The following LARP4B variants were observed in gnomAD, a reference collection of about 807,000 sequenced individuals.
The protein encoded by LARP4B is La ribonucleoprotein 4B.
Under a neutral mutation model 89.8 loss-of-function variants are expected in LARP4B, and 12 were observed. The ratio of observed to expected loss-of-function variants is 0.13; its 90% confidence interval spans 0.09 to 0.22. LARP4B has a LOEUF of 0.22. Among genes scored for constraint, LARP4B ranks in the 10% least tolerant of loss-of-function variants. The pLI, the probability that LARP4B is intolerant of heterozygous loss-of-function variation, is 1.00. For synonymous variants in LARP4B, 367 were observed against 363.3 expected (o/e 1.01, Z -0.12); for missense variants, 757 against 947.7 (o/e 0.80, Z 2.64).
At chr10:957,287 C>T in the LARP4B span, among the ~76,000 whole-genome samples, 3 of 152,028 alleles carry the variant, frequency 2.0e-5, no homozygotes, top group African/African-American at 7.2e-5. Context: ...CTCAGCCTCC[C>T]GAGTAGCTGG....
chr10:924,081 ATTTT>A (rs907517772), intron 1 of LARP4B, among the ~76,000 whole-genome samples: 1 of 150,482 alleles, frequency 6.6e-6, no homozygotes, highest in Non-Finnish European at 1.5e-5. Context: ...ACAAAAAAAA[ATTTT>A]TTTTTTAATT....
intron 5 of LARP4B, among the ~76,000 whole-genome samples, chr10:849,671 G>C (rs1434186229): frequency 1.3e-5 from 2 of 152,180 alleles, no homozygotes; most frequent in Non-Finnish European, 2.9e-5. Context: ...AATGGGGAGG[G>C]AAAGGGTAAC....
intron 1 of LARP4B, among the ~76,000 whole-genome samples, chr10:905,889 C>T (rs1190979658): frequency 6.6e-6 from 1 of 152,202 alleles, no homozygotes; most frequent in Non-Finnish European, 1.5e-5. Flanking sequence ...AACAGACCAG[C>T]CTTTCCCTTG....
At chr10:976,098 A>G in the LARP4B span, among the ~76,000 whole-genome samples, 2 of 139,022 alleles carry the variant, frequency 1.4e-5, no homozygotes, top group African/African-American at 5.2e-5. Context: ...GGCCTAGTAG[A>G]ATGTAAGCCT....
chr10:869,593 A>C (rs183569447), intron 3 of LARP4B, among the ~76,000 whole-genome samples: 7 of 152,322 alleles, frequency 4.6e-5, no homozygotes, highest in African/African-American at 1.4e-4. Flanking sequence ...TTAAGTTAAA[A>C]ACAATTAAAA....
At chr10:967,673 A>G in the LARP4B span, among the ~76,000 whole-genome samples, 1 of 152,162 alleles carries the variant, frequency 6.6e-6, no homozygotes, top group Non-Finnish European at 1.5e-5. Flanking sequence ...GGCCAGGCGG[A>G]GGCAACCCCG....
the LARP4B span, among the ~76,000 whole-genome samples, chr10:944,575 G>T: frequency 1.3e-5 from 2 of 152,238 alleles, no homozygotes; most frequent in African/African-American, 4.8e-5. Context: ...CTCAGCCAGC[G>T]CTGGGGAAAC....
intron 1 of LARP4B, among the ~76,000 whole-genome samples, chr10:895,390 G>GAA (rs968802423): frequency 1.4e-5 from 2 of 145,102 alleles, no homozygotes; most frequent in Non-Finnish European, 3.0e-5. Context: ...CAGCAGCTTA[G>GAA]AAAAAAAAAA....
At chr10:954,359 G>A in the LARP4B span, among the ~76,000 whole-genome samples, 3 of 152,266 alleles carry the variant, frequency 2.0e-5, no homozygotes, top group East Asian at 1.9e-4. The surrounding 1 kb of genome is among the most constrained non-coding windows in gnomAD (Gnocchi z 5.0). Context: ...ACATGTGGAC[G>A]CGGACGAAAA....
chr10:814,563 G>A lies in LARP4B; in HGVS notation c.1929+179C>T, dbSNP rs1831923159. 1.4e-6 allele frequency: 2 copies of A among 1,407,560 alleles called. No individual in the cohort carries two copies. The highest frequency in any genetic ancestry group is 2.0e-5 in the Admixed American group (1 of 50,078). The allele number at this position is 1,407,560 out of a possible 1,614,324, so 87.2% of individuals were successfully genotyped here. A position where few individuals can be genotyped will look rare whatever the true frequency, so the allele number is the denominator to read the frequency against. The stretch of plus-strand genomic sequence containing the variant: ...CTGAGAAAGAACTAGAGTAGTTAGT[G>A]GAAAATTATTAGCAAATATTAAAGG... On this transcript the variant is annotated intron_variant, in intron 17 of 17. Coordinates refer to ENST00000316157, the MANE Select transcript of LARP4B (RefSeq NM_015155.3). The surrounding 1 kb of genome is among the most constrained non-coding windows in gnomAD (Gnocchi z 4.4).
At chr10:833,170 C>T (rs907247793) in intron 8 of LARP4B, among the ~76,000 whole-genome samples, 5 of 142,616 alleles carry the variant, frequency 3.5e-5, no homozygotes, top group Non-Finnish European at 7.5e-5. Flanking sequence ...TTTTGGCTTC[C>T]CTGGGACACA....
At chr10:827,591 C>T (rs1832698652) in intron 11 of LARP4B, among the ~76,000 whole-genome samples, 1 of 152,200 alleles carries the variant, frequency 6.6e-6, no homozygotes, top group Non-Finnish European at 1.5e-5. Flanking sequence ...GTATCACAGA[C>T]TCAGAGCAGG....
chr10:863,611 G>C (rs1343934650), intron 5 of LARP4B, 132 bp downstream of exon 5: 15 of 982,716 alleles, frequency 1.5e-5, no homozygotes, highest in Middle Eastern at 6.8e-4. Context: ...TCCACATAAG[G>C]GTGAGTTTAA....
intron 1 of LARP4B, among the ~76,000 whole-genome samples, chr10:920,046 A>T (rs1836937643): frequency 6.6e-6 from 1 of 152,250 alleles, no homozygotes; most frequent in Non-Finnish European, 1.5e-5. Context: ...TAACTGCTTT[A>T]AAAATCTACC....
chr10:854,390 G>A (rs1834199478), intron 5 of LARP4B, among the ~76,000 whole-genome samples: 1 of 152,100 alleles, frequency 6.6e-6, no homozygotes. Context: ...TACAGCTAGA[G>A]CCTTATGAAA....
the LARP4B span, chr10:988,112 C>A: frequency 4.7e-6 from 1 of 214,456 alleles, no homozygotes. Flanking sequence ...ATCCCAAGAC[C>A]CCGGACCCTC....
At chr10:879,858 C>A (rs1835601592) in intron 3 of LARP4B, among the ~76,000 whole-genome samples, 1 of 152,128 alleles carries the variant, frequency 6.6e-6, no homozygotes, top group African/African-American at 2.4e-5. Context: ...AATGCAACCT[C>A]CGCCTCCCGG....
chr10:976,087 C>T, the LARP4B span, among the ~76,000 whole-genome samples: 7 of 134,622 alleles, frequency 5.2e-5, no homozygotes, highest in South Asian at 2.6e-4. Flanking sequence ...CGTGTGGACC[C>T]GGCCTAGTAG....
the LARP4B span, among the ~76,000 whole-genome samples, chr10:938,027 G>A: frequency 2.0e-5 from 3 of 151,478 alleles, no homozygotes; most frequent in Admixed American, 6.6e-5. Context: ...TGGGACTACA[G>A]GCACGCACCA....
Sources: gnomAD v4.1 joint callset for allele counts (sites outside exome capture counted in the v4.1 genomes callset) on GRCh38, gnomAD v4.1.1 for gene constraint, Gnocchi (gnomAD v3.1) non-coding constraint, MANE v1.5 for transcripts, NCBI Gene and HGNC (gene_info 2026-07-23, HGNC 2026-07-21) for gene names.